The following TTLL12 variants were observed in gnomAD, a reference collection of about 807,000 sequenced individuals.
TTLL12 encodes the protein tubulin--tyrosine ligase-like protein 12.
A neutral mutation model predicts 79.6 loss-of-function variants in TTLL12; 77 were observed. The observed-to-expected ratio is 0.97, with a 90% CI of 0.81 to 1.17. The LOEUF (loss-of-function observed/expected upper bound fraction) is 1.17. TTLL12 is among the 50% of genes most tolerant of loss of function. The pLI, the probability that TTLL12 is intolerant of heterozygous loss-of-function variation, is 0.00. For missense variants in TTLL12, 969 were observed against 895.9 expected (o/e 1.08, Z -1.04); for synonymous variants, 437 against 376.1 (o/e 1.16, Z -1.87).
At chr22:43,178,840 A>T (rs1340441997) in intron 5 of TTLL12, among the ~76,000 whole-genome samples, 1 of 152,250 alleles carries the variant, frequency 6.6e-6, no homozygotes, top group Non-Finnish European at 1.5e-5. Context: ...TAAAATGAAG[A>T]TAAAAACAGA....
intron 1 of TTLL12, among the ~76,000 whole-genome samples, chr22:43,184,308 G>A (rs1932128666): frequency 6.6e-6 from 1 of 152,266 alleles, no homozygotes; most frequent in South Asian, 2.1e-4. Context: ...TTGCCCTTTG[G>A]TGGCGTGAGG....
At chr22:43,180,110 A>G (rs1932017784) in intron 3 of TTLL12, 110 bp from the exon 4 acceptor site, 3 of 1,337,084 alleles carry the variant, frequency 2.2e-6, no homozygotes, top group African/African-American at 2.9e-5. Flanking sequence ...CTGATCTTGG[A>G]GGCCCTCTCA....
At chr22:43,184,955 C>T (rs919648595) in intron 1 of TTLL12, among the ~76,000 whole-genome samples, 2 of 152,196 alleles carry the variant, frequency 1.3e-5, no homozygotes, top group African/African-American at 4.8e-5. Flanking sequence ...TTCGGCCGGC[C>T]GTGGCGGCTC....
intron 9 of TTLL12, among the ~76,000 whole-genome samples, chr22:43,172,781 T>G (rs1227223698): frequency 6.6e-6 from 1 of 151,560 alleles, no homozygotes. Flanking sequence ...CACTGCAACC[T>G]CTGCCTCCCG....
chr22:43,180,694 G>A (rs1378624323), intron 3 of TTLL12, 48 bp downstream of exon 3: 5 of 1,595,146 alleles, frequency 3.1e-6, no homozygotes, highest in Non-Finnish European at 4.3e-6. Context: ...GCGGAGGTCT[G>A]TGCCCATGCC....
At chr22:43,181,758 G>A (rs541618107) in intron 2 of TTLL12, among the ~76,000 whole-genome samples, 2 of 151,430 alleles carry the variant, frequency 1.3e-5, no homozygotes, top group East Asian at 1.9e-4. Flanking sequence ...TTCTTAGGCT[G>A]GGGGGCAAGT....
At chr22:43,173,089 C>T (rs1014685776) in intron 9 of TTLL12, among the ~76,000 whole-genome samples, 10 of 152,228 alleles carry the variant, frequency 6.6e-5, no homozygotes, top group African/African-American at 2.4e-4. Context: ...GAAGTCTCCA[C>T]GACAATCGTC....
chr22:43,183,583 C>A (rs1009868914), intron 1 of TTLL12, among the ~76,000 whole-genome samples: 1 of 152,246 alleles, frequency 6.6e-6, no homozygotes, highest in Admixed American at 6.5e-5. Context: ...CCAATGCCCC[C>A]CTCACCAGAA....
At chr22:43,184,535 C>G (rs887282583) in intron 1 of TTLL12, among the ~76,000 whole-genome samples, 2 of 152,184 alleles carry the variant, frequency 1.3e-5, no homozygotes, top group Non-Finnish European at 2.9e-5. Flanking sequence ...AGAGTAAGAG[C>G]GAAGGCCTGG....
chr22:43,172,047 T>A (rs1331877047), intron 10 of TTLL12, 147 bp from the exon 11 acceptor site: 4 of 718,400 alleles, frequency 5.6e-6, no homozygotes, highest in Non-Finnish European at 9.6e-6. Flanking sequence ...TTCCCTTGTC[T>A]GTGTGGCTGG....
Position 43,177,037 on chromosome 22 carries a change from G to A in TTLL12, c.841-641C>T, listed in dbSNP as rs184310018. The stretch of plus-strand genomic sequence containing the variant: ...GGAGCCGCTTTGTCCTAGGAGCCAC[G>A]AGGGCTGTCGGGAGCTTCTGCAGTG... On this transcript the variant is annotated intron_variant, in intron 5 of 13. Coordinates refer to ENST00000216129, the MANE Select transcript of TTLL12 (RefSeq NM_015140.4). Among the ~76,000 whole-genome samples the A allele has an allele frequency of 5.3e-5, 8 of 152,336 alleles. No homozygotes were observed. In the East Asian group the frequency reaches 7.7e-4, roughly 15 times the overall value.
chr22:43,186,901 C>T lies in TTLL12; in HGVS notation c.169G>A (p.Glu57Lys). 1 of 1,318,466 alleles carries T rather than the reference C, an allele frequency of 7.6e-7. No homozygotes were observed. Among genetic ancestry groups the T allele is most frequent in the Non-Finnish European group, 9.7e-7 (1 of 1,033,622 alleles). 81.7% of individuals were successfully genotyped at this position (1,318,466 alleles called of 1,614,324 possible). ...GCCGCCCTTCCCCGCACCTCGTGCT[C>T]CAGCTTGTGCAGGAGGCGGCCCCAG... ...RYWGRLLHKL[E>K]HEVFDAGEVF... Residue 57 changes from glutamate (E) to lysine (K), a missense_variant, in exon 1 of 14, where the codon GAG becomes AAG. By Grantham distance (56) the Glu-to-Lys change is moderately conservative (BLOSUM62 1). Transcript: ENST00000216129.
At chr22:43,181,406 C>T (rs1425028051) in intron 2 of TTLL12, among the ~76,000 whole-genome samples, 1 of 152,240 alleles carries the variant, frequency 6.6e-6, no homozygotes, top group East Asian at 1.9e-4. Flanking sequence ...AAGCAAAGGC[C>T]CTACACGCCA....
chr22:43,170,464 A>T lies in TTLL12; in HGVS notation c.1576-896T>A, dbSNP rs571675544. Among the ~76,000 whole-genome samples the T allele has an allele frequency of 3.9e-4, 59 of 152,312 alleles. No homozygotes were observed. In the South Asian group the frequency reaches 0.012, roughly 31 times the overall value. On this transcript the variant is annotated intron_variant, in intron 11 of 13. Coordinates refer to ENST00000216129, the MANE Select transcript of TTLL12 (RefSeq NM_015140.4). ...TGGCCAGGTGCCTCCACGCATGTTCACGCGCCATGATTTATCATTAGTGAA... is the reference window on the plus strand; with the variant it reads ...TGGCCAGGTGCCTCCACGCATGTTCTCGCGCCATGATTTATCATTAGTGAA...
Position 43,174,517 on chromosome 22 carries a change from G to T in TTLL12, c.1016C>A (p.Ser339Ter). Residue 339 changes from serine to a stop codon, truncating the protein, a stop_gained, in exon 7 of 14, where the codon TCA becomes TAA. Coordinates refer to ENST00000216129, the MANE Select transcript of TTLL12 (RefSeq NM_015140.4). LOFTEE classifies it high-confidence loss of function. Reference protein sequence around the residue: ...EADADILFNFSHFKDYRKLSQ... With the variant: ...EADADILFNF The stretch of plus-strand genomic sequence containing the variant: ...CCCTCACCTGTAGTCCTTGAAGTGT[G>T]AGAAGTTGAAGAGGATGTCGGCGTC... The T allele has an allele frequency of 6.2e-7, 1 of 1,612,990 alleles. No homozygotes were observed. The highest frequency in any genetic ancestry group is 8.5e-7 in the Non-Finnish European group (1 of 1,179,430).
At chr22:43,177,378 TA>T (rs922166245) in intron 5 of TTLL12, among the ~76,000 whole-genome samples, 138 of 140,142 alleles carry the variant, frequency 9.8e-4, no homozygotes, top group East Asian at 2.4e-3. Context: ...TTTAAAAAAT[TA>T]AAAAAAAAAA....
chr22:43,173,651 AG>A, intron 9 of TTLL12, 63 bp downstream of exon 9: 2 of 1,502,722 alleles, frequency 1.3e-6, no homozygotes, highest in Non-Finnish European at 1.8e-6. Context: ...CGGTCCCCTT[AG>A]CCCCACCTCT....
chr22:43,180,642 T>C (rs2146622074), intron 3 of TTLL12, 100 bp downstream of exon 3: 2 of 1,347,188 alleles, frequency 1.5e-6, no homozygotes, highest in Admixed American at 2.0e-5. Context: ...AGTGAGTTGC[T>C]TGCTCTGGCC....
rs546421923 is a variant in TTLL12 at position 43,175,130 on chromosome 22, C to T, written c.918-515G>A. The T allele has an allele frequency of 4.7e-3, 723 of 152,704 alleles. 6 individuals carry two copies. The highest frequency in any genetic ancestry group is 6.9e-3 in the Non-Finnish European group (470 of 68,346). 9.5% of individuals were successfully genotyped at this position (152,704 alleles called of 1,614,324 possible). A position where few individuals can be genotyped will look rare whatever the true frequency, so the allele number is the denominator to read the frequency against. Reference sequence around the variant, plus strand: ...CAGCAGGGAGGAAAGCCCTCAGGCCCGGTGGAGGGGGCAGAGTGGAGCAGC... The same window carrying T: ...CAGCAGGGAGGAAAGCCCTCAGGCCTGGTGGAGGGGGCAGAGTGGAGCAGC... On this transcript the variant is annotated intron_variant, in intron 6 of 13. Transcript: ENST00000216129.
Sources: gnomAD v4.1 joint callset for allele counts (sites outside exome capture counted in the v4.1 genomes callset) on GRCh38, gnomAD v4.1.1 for gene constraint, MANE v1.5 for transcripts, NCBI Gene and HGNC (gene_info 2026-07-23, HGNC 2026-07-21) for gene names.